The following BMP7 variants were observed in gnomAD, a reference collection of about 807,000 sequenced individuals.
The protein encoded by BMP7 is osteogenic protein 1.
A neutral mutation model predicts 41.2 loss-of-function variants in BMP7; 12 were observed. The observed-to-expected ratio is 0.29, with a 90% confidence interval of 0.19 to 0.47. The LOEUF (loss-of-function observed/expected upper bound fraction) is 0.47. BMP7 is among the 20% of genes least tolerant of loss of function. BMP7 has a pLI of 0.99. For synonymous variants in BMP7, 248 were observed against 250.0 expected (o/e 0.99, Z 0.07); for missense variants, 467 against 606.0 (o/e 0.77, Z 2.41).
At chr20:57,239,767 A>G (rs162319) in intron 1 of BMP7, among the ~76,000 whole-genome samples, 95,887 of 152,154 alleles carry the variant, frequency 0.63, 30,943 homozygotes, top group African/African-American at 0.76. Context: ...TCAACACCAC[A>G]TGGAAGCTGC....
intron 1 of BMP7, among the ~76,000 whole-genome samples, chr20:57,265,058 A>AAAAGAAAAG (rs749858410): frequency 1.4e-5 from 2 of 148,106 alleles, no homozygotes; most frequent in African/African-American, 5.1e-5. Context: ...AAAAGAAAAG[A>AAAAGAAAAG]AAAAAAAAGA....
At chr20:57,205,753 C>T (rs1022370934) in intron 2 of BMP7, among the ~76,000 whole-genome samples, 2 of 152,158 alleles carry the variant, frequency 1.3e-5, no homozygotes, top group African/African-American at 2.4e-5. Context: ...CCTCGCCAAA[C>T]GATACTGAGC....
At chr20:57,223,246 G>T (rs149311318) in intron 2 of BMP7, among the ~76,000 whole-genome samples, 32 of 146,372 alleles carry the variant, frequency 2.2e-4, no homozygotes, top group African/African-American at 7.9e-4. Context: ...AAAAAAAAAA[G>T]GAATCTCTTT....
At chr20:57,206,889 C>T (rs1427899562) in intron 2 of BMP7, among the ~76,000 whole-genome samples, 1 of 152,224 alleles carries the variant, frequency 6.6e-6, no homozygotes, top group Non-Finnish European at 1.5e-5. Context: ...GCCCATGATT[C>T]TCCAGTCAAC....
At chr20:57,256,024 GA>G (rs2066133090) in intron 1 of BMP7, among the ~76,000 whole-genome samples, 1 of 152,044 alleles carries the variant, frequency 6.6e-6, no homozygotes. Context: ...TGCCTTTGCT[GA>G]AAGACAAGTC....
chr20:57,240,024 T>C (rs2066063017), intron 1 of BMP7, among the ~76,000 whole-genome samples: 1 of 152,254 alleles, frequency 6.6e-6, no homozygotes, highest in South Asian at 2.1e-4. Context: ...AGGATTAACA[T>C]TAGGCTTCTT....
At chr20:57,242,576 C>T (rs1180730711) in intron 1 of BMP7, among the ~76,000 whole-genome samples, 1 of 152,230 alleles carries the variant, frequency 6.6e-6, no homozygotes, top group East Asian at 1.9e-4. Context: ...CCTAACACCT[C>T]GGGGCAGCTT....
intron 2 of BMP7, among the ~76,000 whole-genome samples, chr20:57,210,325 C>T (rs1374901247): frequency 2.6e-5 from 4 of 152,230 alleles, no homozygotes; most frequent in Non-Finnish European, 5.9e-5. Flanking sequence ...GGACGAGGAA[C>T]CGCACATCCC....
chr20:57,212,078 C>G (rs1383170771), intron 2 of BMP7, among the ~76,000 whole-genome samples: 1 of 152,062 alleles, frequency 6.6e-6, no homozygotes, highest in African/African-American at 2.4e-5. Context: ...AGAGGCTGGG[C>G]GTGCGTAGCA....
At chr20:57,227,496 C>T (rs1046348083) in intron 2 of BMP7, among the ~76,000 whole-genome samples, 3 of 150,504 alleles carry the variant, frequency 2.0e-5, no homozygotes, top group Non-Finnish European at 4.4e-5. Flanking sequence ...AGATGCTAAG[C>T]CTGCACATCA....
chr20:57,183,202 T>A (rs1984124647), intron 4 of BMP7, among the ~76,000 whole-genome samples: 1 of 151,764 alleles, frequency 6.6e-6, no homozygotes, highest in Non-Finnish European at 1.5e-5. Context: ...ACCACTGCAC[T>A]GCAGCCTGGG....
At chr20:57,173,606 C>G in intron 5 of BMP7, 1 of 518,656 alleles carries the variant, frequency 1.9e-6, no homozygotes, top group Non-Finnish European at 3.5e-6. Flanking sequence ...CCACTGCACC[C>G]CAGCCTGGGT....
chr20:57,258,046 C>G (rs1352937892), intron 1 of BMP7, among the ~76,000 whole-genome samples: 1 of 152,098 alleles, frequency 6.6e-6, no homozygotes, highest in East Asian at 1.9e-4. Context: ...ATTTTGGAAA[C>G]GGTGCAAGTT....
chr20:57,195,990 C>A (rs112471005), intron 3 of BMP7, among the ~76,000 whole-genome samples: 1 of 152,104 alleles, frequency 6.6e-6, no homozygotes, highest in Non-Finnish European at 1.5e-5. Flanking sequence ...GGGTCCCCAA[C>A]GAGGGAGTAT....
intron 2 of BMP7, among the ~76,000 whole-genome samples, chr20:57,204,254 G>T (rs967733258): frequency 6.6e-6 from 1 of 152,144 alleles, no homozygotes; most frequent in Non-Finnish European, 1.5e-5. Flanking sequence ...ACACATCTCC[G>T]GTTGGCTCCA....
In BMP7 at chr20:57,213,611, C is replaced by G. The variant is rs1197033309; in HGVS notation, c.612-10988G>C. On this transcript the variant is annotated intron_variant, in intron 2 of 6. Transcript: ENST00000395863. The surrounding 1 kb of genome is among the most constrained non-coding windows in gnomAD (Gnocchi z 4.4). ...TGGGGGTCAAGAGGGAAGAGAAATACAGCGACAAATGGAAGGCTCTCCCTC... is the reference window on the plus strand; with the variant it reads ...TGGGGGTCAAGAGGGAAGAGAAATAGAGCGACAAATGGAAGGCTCTCCCTC... Among the ~76,000 whole-genome samples, 1 of 152,150 alleles carries G rather than the reference C, an allele frequency of 6.6e-6. No homozygotes were observed. The highest frequency in any genetic ancestry group is 1.5e-5 in the Non-Finnish European group (1 of 68,028).
intron 3 of BMP7, among the ~76,000 whole-genome samples, chr20:57,189,146 A>C (rs1022321085): frequency 6.6e-6 from 1 of 152,224 alleles, no homozygotes; most frequent in East Asian, 1.9e-4. Context: ...TGAAATGTCA[A>C]ATGCCTGACT....
chr20:57,183,247 A>AAAT (rs548612012), intron 4 of BMP7, among the ~76,000 whole-genome samples: 2 of 151,626 alleles, frequency 1.3e-5, no homozygotes, highest in South Asian at 4.2e-4. Flanking sequence ...AAAAAAAAAA[A>AAAT]TGTGTGTGTG....
intron 2 of BMP7, among the ~76,000 whole-genome samples, chr20:57,221,603 A>C (rs970373116): frequency 1.3e-5 from 2 of 152,110 alleles, no homozygotes; most frequent in African/African-American, 4.8e-5. Flanking sequence ...ACTTGAGGCC[A>C]AGAGTTTGAG....
Sources: gnomAD v4.1 joint callset for allele counts (sites outside exome capture counted in the v4.1 genomes callset) on GRCh38, gnomAD v4.1.1 for gene constraint, Gnocchi (gnomAD v3.1) non-coding constraint, MANE v1.5 for transcripts, NCBI Gene and HGNC (gene_info 2026-07-23, HGNC 2026-07-21) for gene names.